The following ZNF782 variants were observed in gnomAD, a reference collection of about 807,000 sequenced individuals.
ZNF782 encodes zinc finger protein 782.
Under a neutral mutation model 13.0 loss-of-function variants are expected in ZNF782, and 12 were observed. The observed-to-expected ratio is 0.92, with a 90% confidence interval of 0.59 to 1.50. The LOEUF (loss-of-function observed/expected upper bound fraction) is 1.50, where lower values mean the gene tolerates loss of function less well. Ranked by LOEUF, ZNF782 falls within the 40% of genes most tolerant of loss-of-function variation. The pLI, the probability that ZNF782 is intolerant of heterozygous loss-of-function variation, is 0.00. For synonymous variants in ZNF782, 284 were observed against 283.0 expected (o/e 1.00, Z -0.04); for missense variants, 770 against 822.9 (o/e 0.94, Z 0.79).
the ZNF782 span, among the ~76,000 whole-genome samples, chr9:96,922,841 C>T: frequency 6.6e-6 from 1 of 151,656 alleles, no homozygotes; most frequent in Non-Finnish European, 1.5e-5. Flanking sequence ...AAAGACATTA[C>T]GAAGAAACAC....
chr9:96,880,691 A>G, the ZNF782 span, among the ~76,000 whole-genome samples: 2 of 152,226 alleles, frequency 1.3e-5, no homozygotes, highest in South Asian at 4.1e-4. Flanking sequence ...TGATTTACTG[A>G]TATTTGTTGT....
At chr9:96,893,414 T>G in the ZNF782 span, 1 of 152,316 alleles carries the variant, frequency 6.6e-6, no homozygotes, top group South Asian at 2.1e-4. Context: ...ACAGGAACAC[T>G]TTTACACTGT....
the ZNF782 span, among the ~76,000 whole-genome samples, chr9:96,925,152 T>C: frequency 6.6e-6 from 1 of 152,064 alleles, no homozygotes; most frequent in African/African-American, 2.4e-5. Context: ...CTGGGAGCGG[T>C]TGAGGGCGGC....
the ZNF782 span, among the ~76,000 whole-genome samples, chr9:96,922,667 G>A: frequency 9.9e-5 from 15 of 151,170 alleles, no homozygotes; most frequent in South Asian, 2.1e-3. Flanking sequence ...CCAGCTACTC[G>A]GGAGGCTGAG....
At chr9:96,907,292 T>C in the ZNF782 span, among the ~76,000 whole-genome samples, 3 of 152,154 alleles carry the variant, frequency 2.0e-5, no homozygotes, top group Admixed American at 6.5e-5. Flanking sequence ...GTACCTAACA[T>C]AGTCAAGCTT....
chr9:96,915,046 G>A, the ZNF782 span, among the ~76,000 whole-genome samples: 10 of 151,470 alleles, frequency 6.6e-5, no homozygotes, highest in Admixed American at 6.6e-4. Flanking sequence ...GGTCCCTCTT[G>A]CCTGGGTCTA....
intron 3 of ZNF782, among the ~76,000 whole-genome samples, chr9:96,859,738 G>C (rs920042458): frequency 1.3e-5 from 2 of 152,180 alleles, no homozygotes; most frequent in African/African-American, 4.8e-5. Flanking sequence ...CTTGAGAAAA[G>C]CCGAAGGCAG....
Position 96,834,850 on chromosome 9 carries a change from AAATTT to A in ZNF782, c.143-7674_143-7670del, listed in dbSNP as rs879420788. Among the ~76,000 whole-genome samples, 857 of 152,294 alleles carry A rather than the reference AAATTT, an allele frequency of 5.6e-3. 2 individuals are homozygous for A. Among genetic ancestry groups the A allele is most frequent in the Non-Finnish European group, 9.1e-3 (621 of 68,032 alleles). On this transcript the variant is annotated intron_variant, in intron 4 of 5. Transcript: ENST00000481138. ...ACTGGGTAATGGGTAGTGGCTGGAA[AAATTT>A]GGAGGGGCAGGCCAGTATTGCCATG...
chr9:96,903,381 T>C, the ZNF782 span, among the ~76,000 whole-genome samples: 10 of 151,904 alleles, frequency 6.6e-5, no homozygotes, highest in African/African-American at 1.9e-4. Context: ...GTCCCTTTTT[T>C]TGCCGGGTAG....
At position 96,827,921 on chromosome 9, in the gene ZNF782, C is replaced by T. The variant is rs536537390; in HGVS notation, c.143-740G>A. Among the ~76,000 whole-genome samples, 25 of 152,186 alleles carry T rather than the reference C, an allele frequency of 1.6e-4. 1 individual carries two copies. In the South Asian group the frequency reaches 3.9e-3, roughly 24 times the overall value. On this transcript the variant is annotated intron_variant, in intron 4 of 5. Coordinates refer to ENST00000481138, the MANE Select transcript of ZNF782 (RefSeq NM_001001662.3). ...TTGTGAGAGAGTTGCCAAACCAGAG[C>T]GGAAAAAGAATACCAAAACAGAGCC...
upstream of ZNF782, among the ~76,000 whole-genome samples, chr9:96,856,197 G>C (rs1851640577): frequency 6.6e-6 from 1 of 152,038 alleles, no homozygotes; most frequent in African/African-American, 2.4e-5. Flanking sequence ...CCCACTCTCT[G>C]GGCAAAGTGA....
rs771119933 is a variant in ZNF782, at chr9:96,818,591, A to C, written c.1432T>G (p.Phe478Val). 6.2e-7 allele frequency: 1 copy of C among 1,613,898 alleles called. No homozygotes were observed. The highest frequency in any genetic ancestry group is 8.5e-7 in the Non-Finnish European group (1 of 1,180,002). The change falls in exon 6 of 6, where the codon TTT (phenylalanine) becomes GTT (valine). Residue 478 changes from phenylalanine (F) to valine (V), a missense_variant. Coordinates refer to ENST00000481138, the MANE Select transcript of ZNF782 (RefSeq NM_001001662.3). ...GATTTCCCGCATTCATTACATTCAA[A>C]AGGTTTCTCCCCTGTGTGAGTTCTC... ...HQRTHTGEKPFECNECGKSFS... is the reference protein window; with the variant it reads ...HQRTHTGEKPVECNECGKSFS...
At position 96,852,020 on chromosome 9, in the gene ZNF782, A is replaced by G. The variant is rs1851505060; in HGVS notation, c.-44-15T>C. 2 of 1,564,332 alleles carry G rather than the reference A, an allele frequency of 1.3e-6. No homozygotes were observed. The highest frequency in any genetic ancestry group is 1.4e-5 in the African/African-American group (1 of 73,880). On this transcript the variant is annotated splice_polypyrimidine_tract_variant and intron_variant, in intron 2 of 5. Transcript: ENST00000481138. ...TAAAGCCTCAGCTGGGGGGACAGAA[A>G]GAGGATGTCACACGGTCTCGCCTAC... is the stretch of plus-strand genomic sequence containing the variant.
the ZNF782 span, among the ~76,000 whole-genome samples, chr9:96,902,083 G>A: frequency 6.6e-6 from 1 of 152,036 alleles, no homozygotes; most frequent in Non-Finnish European, 1.5e-5. Flanking sequence ...AGGCAACCCT[G>A]GAGAATCCCC....
At chr9:96,893,605 A>G in the ZNF782 span, 2 of 152,162 alleles carry the variant, frequency 1.3e-5, no homozygotes, top group Non-Finnish European at 1.5e-5. Context: ...CACTATTCAC[A>G]ATAGCAAAGA....
intron 4 of ZNF782, among the ~76,000 whole-genome samples, chr9:96,835,170 G>A (rs977913674): frequency 6.6e-5 from 10 of 152,184 alleles, no homozygotes; most frequent in Non-Finnish European, 1.5e-4. Flanking sequence ...TATAACTGGT[G>A]GAAGAACCTT....
chr9:96,834,055 G>A (rs1031922132), intron 4 of ZNF782, among the ~76,000 whole-genome samples: 5 of 152,148 alleles, frequency 3.3e-5, no homozygotes, highest in African/African-American at 9.7e-5. Flanking sequence ...GGGGCATAGT[G>A]GGAGGTGTTC....
chr9:96,907,003 T>A, the ZNF782 span, among the ~76,000 whole-genome samples: 1 of 151,886 alleles, frequency 6.6e-6, no homozygotes, highest in Non-Finnish European at 1.5e-5. Context: ...CAAATATATA[T>A]TTCACAGTAC....
At chr9:96,825,999 C>T (rs1203596446) in intron 5 of ZNF782, among the ~76,000 whole-genome samples, 3 of 152,122 alleles carry the variant, frequency 2.0e-5, no homozygotes, top group Admixed American at 1.3e-4. Context: ...GGCAATTCCT[C>T]AGGGATCTAG....
Sources: gnomAD v4.1 joint callset for allele counts (sites outside exome capture counted in the v4.1 genomes callset) on GRCh38, gnomAD v4.1.1 for gene constraint, MANE v1.5 for transcripts, NCBI Gene and HGNC (gene_info 2026-07-23, HGNC 2026-07-21) for gene names.